The following CDH4 variants were observed in gnomAD, a reference collection of about 807,000 sequenced individuals.
The protein encoded by CDH4 is cadherin 4.
In CDH4, 33 loss-of-function variants were observed where a neutral mutation model predicts 86.0. The ratio of observed to expected loss-of-function variants is 0.38; its 90% CI spans 0.29 to 0.51. CDH4 has a LOEUF of 0.51. Ranked by LOEUF, CDH4 falls within the 20% of genes least tolerant of loss-of-function variation. The pLI is 0.86. For synonymous variants in CDH4, 555 were observed against 549.4 expected (o/e 1.01, Z -0.14); for missense variants, 1,114 against 1,307.4 (o/e 0.85, Z 2.28).
At chr20:61,726,170 A>G (rs1294484690) in intron 2 of CDH4, among the ~76,000 whole-genome samples, 3 of 151,996 alleles carry the variant, frequency 2.0e-5, no homozygotes, top group Admixed American at 2.0e-4. Flanking sequence ...TGCAGCAACA[A>G]GTGTGTCTGG....
intron 2 of CDH4, among the ~76,000 whole-genome samples, chr20:61,353,706 C>A (rs1356257773): frequency 8.8e-5 from 3 of 34,166 alleles, no homozygotes; most frequent in Admixed American, 8.8e-4. Flanking sequence ...CCTCCTCCTC[C>A]TCCCCTGCTT....
intron 3 of CDH4, among the ~76,000 whole-genome samples, chr20:61,761,388 T>A (rs1425118543): frequency 2.0e-5 from 3 of 152,202 alleles, no homozygotes; most frequent in Non-Finnish European, 2.9e-5. Flanking sequence ...GCAATGTACG[T>A]TCATAATGCA....
At chr20:61,670,341 A>T (rs1017179726) in intron 2 of CDH4, among the ~76,000 whole-genome samples, 1 of 152,188 alleles carries the variant, frequency 6.6e-6, no homozygotes, top group East Asian at 1.9e-4. Context: ...TTCTTCCCCC[A>T]TAGTTCCAGG....
chr20:61,827,814 C>T (rs1981394551), intron 4 of CDH4, among the ~76,000 whole-genome samples: 1 of 152,198 alleles, frequency 6.6e-6, no homozygotes, highest in African/African-American at 2.4e-5. Context: ...ACCAACAGGA[C>T]ACCCAGGTCA....
Position 61,910,451 on chromosome 20 carries a change from G to C in CDH4, c.1218G>C (p.Val406=), listed in dbSNP as rs777312618. The change falls in exon 9 of 16, where the codon GTG becomes GTC. Residue 406 remains valine, a synonymous_variant. Coordinates refer to ENST00000614565, the MANE Select transcript of CDH4 (RefSeq NM_001794.5). ...CAGGGGAGGTCCCCGAAAACCGCGT[G>C]GAGACCGTGGTCGCAAACCTCACGG... ...TFAGEVPENR[V]ETVVANLTVM... 1 of 1,613,736 alleles carries C rather than the reference G, an allele frequency of 6.2e-7. No individual in the cohort carries two copies. Among genetic ancestry groups the C allele is most frequent in the African/African-American group, 1.3e-5 (1 of 74,936 alleles).
chr20:61,479,547 C>G (rs1398254012), intron 2 of CDH4, among the ~76,000 whole-genome samples: 1 of 152,152 alleles, frequency 6.6e-6, no homozygotes, highest in Non-Finnish European at 1.5e-5. Context: ...GACTTGGAAC[C>G]AACCCAAATG....
At chr20:61,319,645 T>C (rs957338864) in intron 2 of CDH4, among the ~76,000 whole-genome samples, 1 of 152,100 alleles carries the variant, frequency 6.6e-6, no homozygotes, top group Non-Finnish European at 1.5e-5. Flanking sequence ...GTTTCAATTA[T>C]ACAAGATGAA....
At chr20:61,654,637 G>T (rs191586526) in intron 2 of CDH4, among the ~76,000 whole-genome samples, 1 of 152,262 alleles carries the variant, frequency 6.6e-6, no homozygotes, top group East Asian at 1.9e-4. Context: ...TCCGAGGTTC[G>T]TTTGGCATCA....
rs559812303 is a variant in CDH4, at chr20:61,349,505, G to A, written c.169+94568G>A. Among the ~76,000 whole-genome samples the A allele has an allele frequency of 3.3e-4, 50 of 152,358 alleles. No individual in the cohort carries two copies. In the South Asian group the frequency reaches 6.2e-3, roughly 19 times the overall value. Reference sequence around the variant, plus strand: ...GTGAGGGAAAATCCTGCAGGTGCCCGGGAAGGGTGAGCGCAGAGCCAGGAT... The same window carrying A: ...GTGAGGGAAAATCCTGCAGGTGCCCAGGAAGGGTGAGCGCAGAGCCAGGAT... On this transcript the variant is annotated intron_variant, in intron 2 of 15. Transcript: ENST00000614565.
intron 2 of CDH4, among the ~76,000 whole-genome samples, chr20:61,306,360 C>G (rs1036024641): frequency 6.6e-6 from 1 of 150,794 alleles, no homozygotes; most frequent in African/African-American, 2.4e-5. Flanking sequence ...TTTTTTTAAA[C>G]GGAGTCTCGC....
chr20:61,590,221 G>C (rs2145730787), intron 2 of CDH4, among the ~76,000 whole-genome samples: 1 of 152,274 alleles, frequency 6.6e-6, no homozygotes, highest in African/African-American at 2.4e-5. Flanking sequence ...CCCAGAGACA[G>C]GAATGGATGG....
intron 2 of CDH4, among the ~76,000 whole-genome samples, chr20:61,354,198 G>A (rs889574690): frequency 6.6e-6 from 1 of 152,018 alleles, no homozygotes; most frequent in African/African-American, 2.4e-5. Flanking sequence ...AGGCCCAAAT[G>A]TCCCAGCGCC....
At chr20:61,556,506 C>T (rs1415950087) in intron 2 of CDH4, among the ~76,000 whole-genome samples, 1 of 152,130 alleles carries the variant, frequency 6.6e-6, no homozygotes, top group East Asian at 1.9e-4. Flanking sequence ...CAATGAAAGT[C>T]CAAACAGAAG....
Position 61,807,375 on chromosome 20 carries a change from G to A in CDH4, c.576+34193G>A, listed in dbSNP as rs1980194070. Reference sequence around the variant, plus strand: ...TGGGCGGTGGGAGAGGATTCCCTGAGCTGTAGAGTTTACCCTCAGCTTCTC... The same window carrying A: ...TGGGCGGTGGGAGAGGATTCCCTGAACTGTAGAGTTTACCCTCAGCTTCTC... On this transcript the variant is annotated intron_variant, in intron 4 of 15. Transcript: ENST00000614565. This position sits in a 1 kb window ranked among gnomAD's most constrained non-coding sequence, Gnocchi z 4.5. Among the ~76,000 whole-genome samples the A allele has an allele frequency of 6.6e-6, 1 of 152,338 alleles. No homozygotes were observed. Among genetic ancestry groups the A allele is most frequent in the East Asian group, 1.9e-4 (1 of 5,178 alleles).
intron 2 of CDH4, among the ~76,000 whole-genome samples, chr20:61,586,248 C>G (rs566821170): frequency 1.3e-5 from 2 of 149,662 alleles, no homozygotes; most frequent in South Asian, 2.2e-4. Flanking sequence ...ATGATGATGG[C>G]AATTATCATG....
intron 3 of CDH4, among the ~76,000 whole-genome samples, chr20:61,759,170 T>A (rs1173553568): frequency 6.6e-6 from 1 of 152,054 alleles, no homozygotes; most frequent in East Asian, 1.9e-4. Flanking sequence ...AGTGCTGCCC[T>A]CCTGCAGGTG....
chr20:61,802,243 C>G (rs1484237929), intron 4 of CDH4, among the ~76,000 whole-genome samples: 1 of 152,256 alleles, frequency 6.6e-6, no homozygotes, highest in Non-Finnish European at 1.5e-5. Context: ...TGATCATGCT[C>G]TGTTCCCAGC....
intron 2 of CDH4, among the ~76,000 whole-genome samples, chr20:61,509,600 C>T (rs575650346): frequency 8.6e-4 from 131 of 151,614 alleles, no homozygotes; most frequent in African/African-American, 3.1e-3. Flanking sequence ...GGGGACAGGA[C>T]CGTCATGCCA....
At chr20:61,590,792 A>C (rs1157744667) in intron 2 of CDH4, among the ~76,000 whole-genome samples, 1 of 150,780 alleles carries the variant, frequency 6.6e-6, no homozygotes, top group East Asian at 2.0e-4. Context: ...TTGGGGATAT[A>C]ATTTAAATAC....
Sources: allele counts gnomAD v4.1 joint callset (sites outside exome capture counted in the v4.1 genomes callset), GRCh38; gene constraint gnomAD v4.1.1; non-coding constraint Gnocchi (gnomAD v3.1); transcripts MANE v1.5; gene names NCBI Gene and HGNC (gene_info 2026-07-23, HGNC 2026-07-21).